CCDC7: variants seen among roughly 807,000 people sequenced by gnomAD.
The protein encoded by CCDC7 is coiled-coil domain-containing protein 7.
In CCDC7, 183 loss-of-function variants were observed where a neutral mutation model predicts 196.9. That is an observed-to-expected ratio of 0.93 (90% confidence interval 0.82 to 1.05). CCDC7 has a LOEUF of 1.05. CCDC7 is among the 50% of genes least tolerant of loss of function. The pLI, the probability that CCDC7 is intolerant of heterozygous loss-of-function variation, is 0.00. For missense variants in CCDC7, 1,540 were observed against 1,482.2 expected (o/e 1.04, Z -0.64); for synonymous variants, 525 against 484.6 (o/e 1.08, Z -1.10).
At chr10:32,585,820 T>C (rs542527993) in intron 18 of CCDC7, among the ~76,000 whole-genome samples, 2 of 152,326 alleles carry the variant, frequency 1.3e-5, no homozygotes, top group South Asian at 4.1e-4. Context: ...TTGTGAACAG[T>C]GCCACAGTAA....
intron 5 of CCDC7, among the ~76,000 whole-genome samples, chr10:32,465,554 C>T: frequency 6.6e-6 from 1 of 151,720 alleles, no homozygotes; most frequent in East Asian, 1.9e-4. Flanking sequence ...ATTGTTTTAC[C>T]TCTTTGGCTG....
At chr10:32,454,401 T>C (rs2033830999) in intron 2 of CCDC7, among the ~76,000 whole-genome samples, 1 of 152,054 alleles carries the variant, frequency 6.6e-6, no homozygotes, top group South Asian at 2.1e-4. Context: ...TGAAGTCCAA[T>C]AGAAACTGGG....
chr10:32,667,075 G>A (rs570213226), intron 21 of CCDC7, among the ~76,000 whole-genome samples: 6 of 152,236 alleles, frequency 3.9e-5, no homozygotes, highest in Admixed American at 3.3e-4. Flanking sequence ...ATTCTAACTG[G>A]TGTGAGATGG....
At chr10:32,548,606 A>G (rs1015961382) in intron 13 of CCDC7, among the ~76,000 whole-genome samples, 2 of 152,226 alleles carry the variant, frequency 1.3e-5, no homozygotes, top group African/African-American at 4.8e-5. Flanking sequence ...TTAACAATTT[A>G]CAGGCTAAAA....
chr10:32,694,060 CCAT>C (rs2077398693), intron 23 of CCDC7, among the ~76,000 whole-genome samples: 1 of 152,112 alleles, frequency 6.6e-6, no homozygotes, highest in Non-Finnish European at 1.5e-5. Flanking sequence ...CTGTAAGCCA[CCAT>C]ATTTGTGATT....
At chr10:32,879,916 G>A (rs910845906), downstream of CCDC7, among the ~76,000 whole-genome samples, 4 of 151,934 alleles carry the variant, frequency 2.6e-5, no homozygotes, top group Non-Finnish European at 5.9e-5. Flanking sequence ...AGTATTCCAT[G>A]GTGTATATGT....
intron 29 of CCDC7, among the ~76,000 whole-genome samples, chr10:32,780,401 A>C (rs1253706953): frequency 6.6e-6 from 1 of 152,206 alleles, no homozygotes; most frequent in Non-Finnish European, 1.5e-5. Context: ...TTGTATCTAT[A>C]ATACTCAAAA....
chr10:32,835,661 C>A (rs1303124540), intron 33 of CCDC7, among the ~76,000 whole-genome samples: 1 of 151,920 alleles, frequency 6.6e-6, no homozygotes, highest in Non-Finnish European at 1.5e-5. Flanking sequence ...TGGAGGGGAA[C>A]AACGAACACT....
intron 20 of CCDC7, among the ~76,000 whole-genome samples, chr10:32,655,257 G>T (rs1008706428): frequency 4.6e-5 from 7 of 151,862 alleles, no homozygotes; most frequent in African/African-American, 1.7e-4. Context: ...TGGAATTAGG[G>T]CATATTAACA....
intron 20 of CCDC7, among the ~76,000 whole-genome samples, chr10:32,646,661 C>T (rs2067824586): frequency 6.6e-6 from 1 of 152,130 alleles, no homozygotes; most frequent in African/African-American, 2.4e-5. Context: ...ACACAGTACT[C>T]AGGTTTGGAG....
At chr10:32,678,608 G>A (rs1313236570) in intron 21 of CCDC7, among the ~76,000 whole-genome samples, 1 of 152,090 alleles carries the variant, frequency 6.6e-6, no homozygotes, top group Non-Finnish European at 1.5e-5. Context: ...AGGTGATCTA[G>A]CCATGCTGAT....
chr10:32,565,764 A>G (rs2056685407), intron 14 of CCDC7, 144 bp downstream of exon 15: 1 of 697,766 alleles, frequency 1.4e-6, no homozygotes, highest in South Asian at 3.8e-5. Flanking sequence ...TATTCATTTT[A>G]TGCATTAGGG....
chr10:32,742,973 C>T (rs1262017559), intron 28 of CCDC7, among the ~76,000 whole-genome samples: 2 of 152,200 alleles, frequency 1.3e-5, no homozygotes, highest in Non-Finnish European at 2.9e-5. Context: ...TCCTCCATTT[C>T]TTCAGTGGCC....
At chr10:32,833,786 G>A (rs2092400653) in intron 32 of CCDC7, among the ~76,000 whole-genome samples, 1 of 151,974 alleles carries the variant, frequency 6.6e-6, no homozygotes, top group Admixed American at 6.6e-5. Flanking sequence ...AGATTGTAAT[G>A]GTGGTACATA....
At chr10:32,544,410 G>A in intron 13 of CCDC7, 109 bp downstream of exon 14, 1 of 1,045,848 alleles carries the variant, frequency 9.6e-7, no homozygotes, top group Non-Finnish European at 1.3e-6. Flanking sequence ...ATATGTCTGT[G>A]TGTGTGTATG....
At chr10:32,569,756 C>T (rs2057328700) in intron 15 of CCDC7, among the ~76,000 whole-genome samples, 1 of 151,990 alleles carries the variant, frequency 6.6e-6, no homozygotes, top group Non-Finnish European at 1.5e-5. Context: ...TCTCATTTGT[C>T]CTCTTAGCAG....
intron 32 of CCDC7, among the ~76,000 whole-genome samples, chr10:32,828,500 A>AGAAGAG (rs1565634695): frequency 1.7e-5 from 2 of 117,008 alleles, no homozygotes; most frequent in African/African-American, 6.5e-5. Context: ...AAGAAGAAGA[A>AGAAGAG]GAAGAAGAAG....
At chr10:32,734,554 T>C (rs2084535472) in intron 28 of CCDC7, among the ~76,000 whole-genome samples, 1 of 152,118 alleles carries the variant, frequency 6.6e-6, no homozygotes, top group South Asian at 2.1e-4. Flanking sequence ...AGTTTACCTA[T>C]GTAACAAACA....
chr10:32,696,084 C>T (rs1192658290), intron 24 of CCDC7, among the ~76,000 whole-genome samples: 1 of 151,852 alleles, frequency 6.6e-6, no homozygotes, highest in African/African-American at 2.4e-5. Flanking sequence ...TTTAGTCTTC[C>T]ATATACCCCA....
Sources: allele counts gnomAD v4.1 joint callset (sites outside exome capture counted in the v4.1 genomes callset), GRCh38; gene constraint gnomAD v4.1.1; transcripts MANE v1.5; gene names NCBI Gene and HGNC (gene_info 2026-07-23, HGNC 2026-07-21).